The following ZBTB20 variants were observed in gnomAD, a reference collection of about 807,000 sequenced individuals.
ZBTB20 encodes zinc finger and BTB domain-containing protein 20.
A neutral mutation model predicts 56.9 loss-of-function variants in ZBTB20; 9 were observed. The observed-to-expected ratio is 0.16, with a 90% CI of 0.10 to 0.28. The LOEUF (loss-of-function observed/expected upper bound fraction) is 0.28, where lower values mean the gene tolerates loss of function less well. Ranked by LOEUF, ZBTB20 falls within the 10% of genes least tolerant of loss-of-function variation. The pLI, the probability that ZBTB20 is intolerant of heterozygous loss-of-function variation, is 1.00. For synonymous variants in ZBTB20, 417 were observed against 420.7 expected (o/e 0.99, Z 0.11); for missense variants, 655 against 1,003.0 (o/e 0.65, Z 4.69).
At chr3:115,053,090 T>A (rs1047204775) in intron 2 of ZBTB20, among the ~76,000 whole-genome samples, 1 of 151,926 alleles carries the variant, frequency 6.6e-6, no homozygotes, top group South Asian at 2.1e-4. Flanking sequence ...GAACAGTAAT[T>A]CCCCCTGAAC....
chr3:114,576,790 A>AAGAC (rs555499271), intron 6 of ZBTB20, among the ~76,000 whole-genome samples: 3,125 of 22,174 alleles, frequency 0.14, 109 homozygotes, highest in African/African-American at 0.15. Flanking sequence ...CACATCAAAA[A>AAGAC]AGACAGAGAG....
chr3:114,817,230 CAT>C (rs1207905276), intron 4 of ZBTB20, among the ~76,000 whole-genome samples: 2 of 136,774 alleles, frequency 1.5e-5, no homozygotes, highest in Non-Finnish European at 3.2e-5. Context: ...CACACACACA[CAT>C]AATAAATTGG....
intron 5 of ZBTB20, among the ~76,000 whole-genome samples, chr3:114,742,225 G>T (rs1191827428): frequency 2.0e-5 from 3 of 152,114 alleles, no homozygotes; most frequent in African/African-American, 7.2e-5. Flanking sequence ...GGAGGGCAGA[G>T]AAGTATTTAT....
intron 10 of ZBTB20, among the ~76,000 whole-genome samples, chr3:114,369,226 T>C (rs2082733953): frequency 6.6e-6 from 1 of 152,246 alleles, no homozygotes; most frequent in African/African-American, 2.4e-5. Context: ...TGTAGTATTC[T>C]ACATGCCACA....
chr3:114,724,690 G>T (rs1366362848), intron 5 of ZBTB20, among the ~76,000 whole-genome samples: 2 of 152,022 alleles, frequency 1.3e-5, no homozygotes, highest in African/African-American at 4.8e-5. Context: ...GCACACAAAA[G>T]TATCAGAACT....
In ZBTB20 at chr3:114,539,554, C is replaced by G. The variant is rs191101616; in HGVS notation, c.-294-39163G>C. ...TTACTTTGGATCACACATGGTAAGC[C>G]TCGAGGACAGAATGAGCTCCTGTGC... is the stretch of plus-strand genomic sequence containing the variant. On this transcript the variant is annotated intron_variant, in intron 6 of 11. Coordinates refer to ENST00000675478, the MANE Select transcript of ZBTB20 (RefSeq NM_001348800.3). 3.9e-4 allele frequency among the ~76,000 whole-genome samples: 60 copies of G among 152,164 alleles called. 1 individual carries two copies. The East Asian group carries it at 9.3e-3, about 24-fold the overall frequency.
chr3:114,849,898 C>CTTTTT (rs34170211), intron 4 of ZBTB20, among the ~76,000 whole-genome samples: 13 of 114,888 alleles, frequency 1.1e-4, no homozygotes, highest in East Asian at 5.5e-4. Context: ...ATCAGGAAAT[C>CTTTTT]TTTTTTTTTT....
intron 2 of ZBTB20, among the ~76,000 whole-genome samples, chr3:115,001,532 T>A (rs1576534041): frequency 8.0e-6 from 1 of 124,972 alleles, no homozygotes. Flanking sequence ...AGTTTAGGGA[T>A]TTTTTTTTTA....
chr3:114,529,905 C>G (rs1230484566), intron 6 of ZBTB20, among the ~76,000 whole-genome samples: 2 of 152,198 alleles, frequency 1.3e-5, no homozygotes, highest in Admixed American at 6.5e-5. Context: ...TTCTCTGACA[C>G]TGAGTTAAAG....
intron 6 of ZBTB20, among the ~76,000 whole-genome samples, chr3:114,619,863 GC>G (rs2058199215): frequency 6.6e-6 from 1 of 152,094 alleles, no homozygotes; most frequent in African/African-American, 2.4e-5. Flanking sequence ...CTGTATGTCT[GC>G]CCCGCCTCTC....
At chr3:114,751,903 G>C (rs970645606) in intron 5 of ZBTB20, among the ~76,000 whole-genome samples, 1 of 152,054 alleles carries the variant, frequency 6.6e-6, no homozygotes, top group Admixed American at 6.6e-5. Flanking sequence ...AGTAAGAAAT[G>C]TGTTTTGAAT....
At chr3:114,527,992 AT>A (rs35884469) in intron 6 of ZBTB20, among the ~76,000 whole-genome samples, 2,220 of 142,266 alleles carry the variant, frequency 0.016, 26 homozygotes, top group Non-Finnish European at 0.023. Flanking sequence ...TCCCTTCATA[AT>A]TTTTTTTTTT....
At chr3:114,847,705 T>C (rs930196252) in intron 4 of ZBTB20, among the ~76,000 whole-genome samples, 6 of 152,126 alleles carry the variant, frequency 3.9e-5, no homozygotes, top group Non-Finnish European at 7.4e-5. Flanking sequence ...CATAATCTAC[T>C]GTAGTCATTG....
chr3:115,137,562 A>C (rs1233926981), intron 1 of ZBTB20, among the ~76,000 whole-genome samples: 1 of 152,088 alleles, frequency 6.6e-6, no homozygotes, highest in Non-Finnish European at 1.5e-5. Context: ...ATAGTGACAA[A>C]TCAAGGAAAA....
chr3:114,450,521 A>G (rs1247228109), intron 7 of ZBTB20, among the ~76,000 whole-genome samples: 1 of 152,210 alleles, frequency 6.6e-6, no homozygotes, highest in Non-Finnish European at 1.5e-5. Flanking sequence ...GGCTATGATA[A>G]GGCATTACAA....
At chr3:114,911,572 T>TA (rs1042609820) in intron 3 of ZBTB20, among the ~76,000 whole-genome samples, 2 of 151,646 alleles carry the variant, frequency 1.3e-5, no homozygotes, top group African/African-American at 4.8e-5. Flanking sequence ...TTATATTCCA[T>TA]AAAAAAAGGA....
intron 3 of ZBTB20, among the ~76,000 whole-genome samples, chr3:114,923,453 C>T (rs2076033040): frequency 1.3e-5 from 2 of 152,090 alleles, no homozygotes; most frequent in African/African-American, 4.8e-5. Flanking sequence ...GCAAGGGCAC[C>T]AACTATACAC....
At chr3:115,067,646 G>T (rs1261297034) in intron 2 of ZBTB20, among the ~76,000 whole-genome samples, 2 of 151,738 alleles carry the variant, frequency 1.3e-5, no homozygotes, top group Non-Finnish European at 1.5e-5. Flanking sequence ...TTCTTACCTA[G>T]AACTCTGATC....
At chr3:114,847,498 A>G (rs1579137923) in intron 4 of ZBTB20, among the ~76,000 whole-genome samples, 2 of 152,164 alleles carry the variant, frequency 1.3e-5, no homozygotes, top group African/African-American at 2.4e-5. Context: ...ATTTTTAATT[A>G]TTTCATCTGT....
Sources: allele counts gnomAD v4.1 joint callset (sites outside exome capture counted in the v4.1 genomes callset), GRCh38; gene constraint gnomAD v4.1.1; transcripts MANE v1.5; gene names NCBI Gene and HGNC (gene_info 2026-07-23, HGNC 2026-07-21).